INTS1: variants seen among roughly 807,000 people sequenced by gnomAD.
The protein encoded by INTS1 is integrator complex subunit 1.
A neutral mutation model predicts 241.6 loss-of-function variants in INTS1; 137 were observed. The ratio of observed to expected loss-of-function variants is 0.57; its 90% CI spans 0.49 to 0.65. The LOEUF (loss-of-function observed/expected upper bound fraction) is 0.65. Ranked by LOEUF, INTS1 falls within the 30% of genes least tolerant of loss-of-function variation. The probability of loss-of-function intolerance (pLI) is 0.00; values close to 1 mark genes in which losing one functional copy is unlikely to be tolerated. For missense variants in INTS1, 3,073 were observed against 3,032.2 expected (o/e 1.01, Z -0.32); for synonymous variants, 1,692 against 1,337.8 (o/e 1.26, Z -5.78).
In INTS1 at chr7:1,476,430, C is replaced by G. The variant is rs1562488108; in HGVS notation, c.5177G>C (p.Arg1726Pro). The G allele has an allele frequency of 6.4e-7, 1 of 1,568,604 alleles. No homozygotes were observed. The highest frequency in any genetic ancestry group is 1.3e-5 in the African/African-American group (1 of 74,078). ...GCTGATGAGCTCCGGGCCCTGGACCCGCAGCACCAGCTCCTCCCGCCGCTT... is the reference window on the plus strand; with the variant it reads ...GCTGATGAGCTCCGGGCCCTGGACCGGCAGCACCAGCTCCTCCCGCCGCTT... ...PQKRREELVL[R>P]VQGPELISLV... Residue 1726 changes from arginine to proline, a missense_variant, in exon 38 of 48, where the codon CGG becomes CCG. Arg to Pro is a moderately radical substitution (Grantham distance 103, BLOSUM62 -2). Transcript: ENST00000404767.
intron 26 of INTS1, chr7:1,482,912 G>A (rs1014159563): frequency 5.0e-6 from 3 of 595,138 alleles, no homozygotes; most frequent in Non-Finnish European, 8.8e-6. Flanking sequence ...AGATGCTGCA[G>A]GAAGGCAAGC....
Position 1,493,710 on chromosome 7 carries a change from G to C in INTS1, c.2068+44C>G, listed in dbSNP as rs774742048. On this transcript the variant is annotated intron_variant, in intron 15 of 47. Transcript: ENST00000404767. The surrounding 1 kb of genome is among the most constrained non-coding windows in gnomAD (Gnocchi z 5.3). ...GAGCCGGGGTTTCTGCAGGGACGAG[G>C]GGAGCAGACCCAGCACAGGCGCCAT... 9 of 1,534,640 alleles carry C rather than the reference G, an allele frequency of 5.9e-6. No individual in the cohort carries two copies. The highest frequency in any genetic ancestry group is 7.9e-6 in the Non-Finnish European group (9 of 1,138,056).
intron 3 of INTS1, among the ~76,000 whole-genome samples, chr7:1,501,488 G>A (rs1447973729): frequency 6.6e-6 from 1 of 152,058 alleles, no homozygotes; most frequent in Non-Finnish European, 1.5e-5. Flanking sequence ...ATGGCTGGAT[G>A]CAGCCATCTC....
chr7:1,471,705 C>A, intron 44 of INTS1, 64 bp from the exon 45 acceptor site: 1 of 1,521,408 alleles, frequency 6.6e-7, no homozygotes. Context: ...CCACCCCACC[C>A]CAGCCACCCA....
At chr7:1,473,803 A>G in intron 41 of INTS1, 110 bp from the exon 42 acceptor site, 2 of 1,381,396 alleles carry the variant, frequency 1.4e-6, no homozygotes, top group Non-Finnish European at 2.0e-6. Flanking sequence ...ACAGCCAACG[A>G]GCCCCCTCTG....
At position 1,492,898 on chromosome 7, in the gene INTS1, G is replaced by A. The variant is rs1309744702; in HGVS notation, c.2165+112C>T. 1.1e-5 allele frequency: 7 copies of A among 622,756 alleles called. 1 individual carries two copies. The highest frequency in any genetic ancestry group is 8.0e-5 in the South Asian group (4 of 50,028). 38.6% of individuals were successfully genotyped at this position (622,756 alleles called of 1,614,324 possible). ...CCCGGGCGGGAGTGGGGAGCGGGGC[G>A]CAGGCTTACCCGGGCGGGAGTGGGG... On this transcript the variant is annotated intron_variant, in intron 16 of 47. Coordinates refer to ENST00000404767, the MANE Select transcript of INTS1 (RefSeq NM_001080453.3).
intron 16 of INTS1, 136 bp from the exon 17 acceptor site, chr7:1,489,818 C>T (rs1245310318): frequency 3.2e-6 from 2 of 622,086 alleles, no homozygotes; most frequent in Non-Finnish European, 5.6e-6. Context: ...CCAGTGACAC[C>T]TGTCCAAGCA....
At chr7:1,477,427 C>T (rs1781774414) in intron 35 of INTS1, 123 bp downstream of exon 35, 1 of 1,168,090 alleles carries the variant, frequency 8.6e-7, no homozygotes, top group East Asian at 2.6e-5. Flanking sequence ...GACACATGGC[C>T]TGAGAGCAGG....
intron 29 of INTS1, 120 bp from the exon 30 acceptor site, chr7:1,480,561 A>G: frequency 2.6e-6 from 3 of 1,156,364 alleles, no homozygotes; most frequent in South Asian, 1.6e-5. Flanking sequence ...AAGAGCTCAG[A>G]CCTGGGCTCT....
rs755403159 is a variant in INTS1, at chr7:1,502,907, T to C, written c.343A>G (p.Ile115Val). ...ATGTCCACAGACTCATTACCTTCAA[T>C]TGGCACCACAGATGGCTCTTTAATC... is the stretch of plus-strand genomic sequence containing the variant. ...PSIKEPSVVP[I>V]EVLPTVLLDE... Residue 115 changes from isoleucine to valine, a missense_variant, in exon 3 of 48, where the codon ATT becomes GTT. Transcript: ENST00000404767. The C allele has an allele frequency of 5.7e-5, 92 of 1,613,578 alleles. 1 individual carries two copies. In the East Asian group the frequency reaches 1.5e-3, roughly 27 times the overall value.
rs546946824 is a variant in INTS1, at chr7:1,471,865, G to T, written c.6185-224C>A. 26 of 594,912 alleles carry T rather than the reference G, an allele frequency of 4.4e-5. No homozygotes were observed. In the African/African-American group the frequency reaches 4.5e-4, roughly 10 times the overall value. 36.9% of individuals were successfully genotyped at this position (594,912 alleles called of 1,614,324 possible). A position where few individuals can be genotyped will look rare whatever the true frequency, so the allele number is the denominator to read the frequency against. ...CCAAGGAGAGGGGTTGACCCCTCAC[G>T]GCAGCCCCATATCCAGGGTGCTCTT... is the stretch of plus-strand genomic sequence containing the variant. On this transcript the variant is annotated intron_variant, in intron 44 of 47. Transcript: ENST00000404767.
chr7:1,498,996 C>T lies in INTS1; in HGVS notation c.1116G>A (p.Glu372=), dbSNP rs1783008808. The change falls in exon 8 of 48, where the codon GAG becomes GAA. Residue 372 remains glutamate, a synonymous_variant. Transcript: ENST00000404767. The part of the protein sequence containing the change: ...EVRLLAVQKL[E]MWLQNPKLTR... ...GCACCTTGGGGTTCTGCAGCCACAT[C>T]TCCAGCTTCTGCACCGCCAGCAGCC... 1 of 1,498,080 alleles carries T rather than the reference C, an allele frequency of 6.7e-7. No individual in the cohort carries two copies. The highest frequency in any genetic ancestry group is 1.4e-5 in the African/African-American group (1 of 69,838). The allele number at this position is 1,498,080 out of a possible 1,614,324, so 92.8% of individuals were successfully genotyped here.
rs1470723285 is a variant in INTS1, at chr7:1,488,273, C to T, written c.2319-316G>A. 2.6e-5 allele frequency among the ~76,000 whole-genome samples: 4 copies of T among 152,200 alleles called. No homozygotes were observed. The South Asian group carries it at 8.3e-4, about 31-fold the overall frequency. On this transcript the variant is annotated intron_variant, in intron 18 of 47. Coordinates refer to ENST00000404767, the MANE Select transcript of INTS1 (RefSeq NM_001080453.3). ...GCCACCTCCCCTTCCACGCCACCTA[C>T]GCTGGGAGCATAGCCTAGTTTGACA...
At position 1,474,322 on chromosome 7, in the gene INTS1, G is replaced by T; in HGVS notation, c.5675C>A (p.Thr1892Asn). 6.2e-7 allele frequency: 1 copy of T among 1,606,654 alleles called. No homozygotes were observed. ...CCGGAACTCCTGGAAGTTGAGGTGG[G>T]TGCGGCCGTGCAGGAGCGCCGCGAT... ...PMIAALLHGR[T>N]HLNFQEFRQQ... Residue 1892 changes from threonine (T) to asparagine (N), a missense_variant, in exon 41 of 48, where the codon ACC becomes AAC. Transcript: ENST00000404767.
chr7:1,498,943 G>GGCGCCCCCCCCCCCCCCCCCC, intron 8 of INTS1, 32 bp downstream of exon 8: 1 of 1,070,748 alleles, frequency 9.3e-7, no homozygotes, highest in Non-Finnish European at 1.3e-6. Flanking sequence ...CCCACCCCCT[G>GGCGCCCCCCCCCCCCCCCCCC]CCCCGCCCAC....
chr7:1,473,209 T>C, intron 42 of INTS1, 25 bp from the exon 43 acceptor site: 1 of 1,541,070 alleles, frequency 6.5e-7, no homozygotes. Flanking sequence ...TGCTTTCACC[T>C]GGGAGGAAGA....
intron 4 of INTS1, 46 bp downstream of exon 4, chr7:1,500,124 A>G (rs1279819978): frequency 6.3e-7 from 1 of 1,582,124 alleles, no homozygotes; most frequent in Admixed American, 1.7e-5. Context: ...GAGGGGAGCC[A>G]AGGGCCCCAG....
intron 46 of INTS1, 61 bp downstream of exon 46, chr7:1,471,072 G>A (rs1018096809): frequency 3.4e-5 from 52 of 1,527,396 alleles, no homozygotes; most frequent in African/African-American, 5.5e-5. Context: ...CGGGTCAAGC[G>A]GTGACCTGGG....
At position 1,499,129 on chromosome 7, in the gene INTS1, T is replaced by C. The variant is rs1783016810; in HGVS notation, c.983A>G (p.Tyr328Cys). 1.2e-6 allele frequency: 2 copies of C among 1,611,438 alleles called. No individual in the cohort carries two copies. The highest frequency in any genetic ancestry group is 2.2e-5 in the East Asian group (1 of 44,852). The change falls in exon 8 of 48, where the codon TAT (tyrosine) becomes TGT (cysteine). Residue 328 changes from tyrosine to cysteine, a missense_variant. Tyr to Cys is a radical substitution (Grantham distance 194). Transcript: ENST00000404767. The part of the protein sequence containing the change: ...YEELAESVEE[Y>C]VLDMLRDQLN... ...CTGGTCCCGCAGCATGTCCAGGACA[T>C]ACTCCTCCACGCTCTCCGCGAGCTC...
Sources: allele counts gnomAD v4.1 joint callset (sites outside exome capture counted in the v4.1 genomes callset), GRCh38; gene constraint gnomAD v4.1.1; non-coding constraint Gnocchi (gnomAD v3.1); transcripts MANE v1.5; gene names NCBI Gene and HGNC (gene_info 2026-07-23, HGNC 2026-07-21).